PDE9A: variants seen among roughly 807,000 people sequenced by gnomAD.
PDE9A encodes the protein high affinity cGMP-specific 3',5'-cyclic phosphodiesterase 9A.
Under a neutral mutation model 87.4 loss-of-function variants are expected in PDE9A, and 60 were observed. The observed-to-expected ratio is 0.69, with a 90% CI of 0.56 to 0.85. The LOEUF is 0.85. PDE9A is among the 40% of genes least tolerant of loss of function. The pLI, the probability that PDE9A is intolerant of heterozygous loss-of-function variation, is 0.00. For missense variants in PDE9A, 665 were observed against 779.0 expected (o/e 0.85, Z 1.74); for synonymous variants, 272 against 279.4 (o/e 0.97, Z 0.27).
chr21:42,680,716 C>T (rs1337685732), intron 1 of PDE9A, among the ~76,000 whole-genome samples: 1 of 152,198 alleles, frequency 6.6e-6, no homozygotes, highest in African/African-American at 2.4e-5. Flanking sequence ...CTGATCAACC[C>T]CAACAAGCAG....
chr21:42,759,549 G>A lies in PDE9A; in HGVS notation c.897+464G>A, dbSNP rs1179722231. 6.6e-6 allele frequency among the ~76,000 whole-genome samples: 1 copy of A among 150,720 alleles called. No homozygotes were observed. Among genetic ancestry groups the A allele is most frequent in the Non-Finnish European group, 1.5e-5 (1 of 67,612 alleles). ...GGGAGCGTGTGTGTGTGTGAGTGTG[G>A]GGTGTGGGTGTGAGCATGGGGGTAT... On this transcript the variant is annotated intron_variant, in intron 11 of 19. Coordinates refer to ENST00000291539, the MANE Select transcript of PDE9A (RefSeq NM_002606.3). This position sits in a 1 kb window ranked among gnomAD's most constrained non-coding sequence, Gnocchi z 7.2.
chr21:42,755,641 C>T (rs775395448), intron 10 of PDE9A, among the ~76,000 whole-genome samples: 16 of 152,286 alleles, frequency 1.1e-4, no homozygotes, highest in Non-Finnish European at 2.2e-4. Context: ...TCAGAAGAGA[C>T]GTGTTGGAGC....
At chr21:42,764,851 T>C (rs2056204454) in intron 14 of PDE9A, among the ~76,000 whole-genome samples, 1 of 152,214 alleles carries the variant, frequency 6.6e-6, no homozygotes, top group Admixed American at 6.5e-5. Flanking sequence ...AATATATATA[T>C]ATACAGTTGA....
At chr21:42,764,392 T>C (rs1341714000) in intron 14 of PDE9A, among the ~76,000 whole-genome samples, 1 of 152,214 alleles carries the variant, frequency 6.6e-6, no homozygotes, top group African/African-American at 2.4e-5. Flanking sequence ...TGGCAAATCT[T>C]CGTCTGCAGT....
intron 1 of PDE9A, among the ~76,000 whole-genome samples, chr21:42,666,254 C>T (rs139136582): frequency 6.2e-4 from 94 of 152,328 alleles, no homozygotes; most frequent in African/African-American, 2.1e-3. Context: ...TGTCCTTGGA[C>T]TTGGGTTCTC....
At chr21:42,765,719 C>T in intron 15 of PDE9A, 1 of 526,518 alleles carries the variant, frequency 1.9e-6, no homozygotes, top group Non-Finnish European at 3.5e-6. Context: ...TTCTCCCATT[C>T]CTCCATCTCT....
intron 4 of PDE9A, among the ~76,000 whole-genome samples, chr21:42,725,150 G>C (rs534522022): frequency 6.6e-6 from 1 of 152,116 alleles, no homozygotes; most frequent in Admixed American, 6.5e-5. Flanking sequence ...CCCACCTGCC[G>C]CTCTTTAATA....
intron 4 of PDE9A, chr21:42,724,661 C>T: frequency 1.1e-6 from 1 of 897,156 alleles, no homozygotes; most frequent in Non-Finnish European, 1.3e-6. Context: ...GGGCAGTGCC[C>T]CTGGAGTGTT....
intron 1 of PDE9A, among the ~76,000 whole-genome samples, chr21:42,678,256 C>A (rs973066059): frequency 1.3e-5 from 2 of 152,248 alleles, no homozygotes; most frequent in Non-Finnish European, 2.9e-5. Flanking sequence ...ACCAGCCCTT[C>A]TGCCCAGCTC....
Position 42,695,984 on chromosome 21 carries a change from T to C in PDE9A, c.219-2984T>C, listed in dbSNP as rs1397137790. ...TGGGCCCAAGGGCCAGGAAGGTTTC[T>C]GCAGCCTCCTGGAGCATTCACAGAG... On this transcript the variant is annotated intron_variant, in intron 3 of 19. Coordinates refer to ENST00000291539, the MANE Select transcript of PDE9A (RefSeq NM_002606.3). This position sits in a 1 kb window ranked among gnomAD's most constrained non-coding sequence, Gnocchi z 4.3. Among the ~76,000 whole-genome samples, 3 of 152,240 alleles carry C rather than the reference T, an allele frequency of 2.0e-5. No homozygotes were observed. Among genetic ancestry groups the C allele is most frequent in the Admixed American group, 1.3e-4 (2 of 15,284 alleles).
intron 8 of PDE9A, among the ~76,000 whole-genome samples, chr21:42,746,828 C>T (rs1293381506): frequency 1.3e-5 from 2 of 152,186 alleles, no homozygotes; most frequent in East Asian, 1.9e-4. Flanking sequence ...GAGGCGCATC[C>T]GCACTTCCCC....
chr21:42,714,427 G>T (rs898552275), intron 4 of PDE9A, among the ~76,000 whole-genome samples: 1 of 152,164 alleles, frequency 6.6e-6, no homozygotes, highest in Admixed American at 6.5e-5. Context: ...ATATGGTTGG[G>T]GTTAGCTCTC....
Position 42,731,782 on chromosome 21 carries a change from A to G in PDE9A, c.275A>G (p.Asp92Gly), listed in dbSNP as rs2051787511. ...CTGCTTTTTATAGCTGGTGTCGAGG[A>G]CAAGAGAACCACAAGCCGTGGCCAG... is the stretch of plus-strand genomic sequence containing the variant. Reference protein sequence around the residue: ...AIKQLSAGVEDKRTTSRGQSA... With the variant: ...AIKQLSAGVEGKRTTSRGQSA... The change falls in exon 5 of 20, where the codon GAC (aspartate) becomes GGC (glycine). Residue 92 changes from aspartate to glycine, a missense_variant. Asp to Gly is a moderately conservative substitution (Grantham distance 94). Coordinates refer to ENST00000291539, the MANE Select transcript of PDE9A (RefSeq NM_002606.3). 1.2e-6 allele frequency: 2 copies of G among 1,612,780 alleles called. No individual in the cohort carries two copies. Among genetic ancestry groups the G allele is most frequent in the South Asian group, 1.1e-5 (1 of 90,878 alleles).
rs539889617 is a variant in PDE9A at position 42,670,271 on chromosome 21, TCA to T, written c.70-15916_70-15915del. 3.7e-4 allele frequency among the ~76,000 whole-genome samples: 55 copies of T among 147,388 alleles called. 2 individuals are homozygous for T. The South Asian group carries it at 0.01, about 28-fold the overall frequency. ...CACATACATACATTCACACACATAT[TCA>T]CACATTCACACATACACATTCACAC... On this transcript the variant is annotated intron_variant, in intron 1 of 19. Transcript: ENST00000291539.
rs1302666171 is a variant in PDE9A, at chr21:42,695,429, T to C, written c.219-3539T>C. 6.6e-6 allele frequency among the ~76,000 whole-genome samples: 1 copy of C among 152,180 alleles called. No individual in the cohort carries two copies. On this transcript the variant is annotated intron_variant, in intron 3 of 19. Transcript: ENST00000291539. This position sits in a 1 kb window ranked among gnomAD's most constrained non-coding sequence, Gnocchi z 4.3. ...TGCTTCAAGATGCAGTGGAAGGAGA[T>C]AAATCAGACACCTCAGTAGCGTGAG...
rs1040345027 is a variant in PDE9A at position 42,704,448 on chromosome 21, A to ACG, written c.262+5438_262+5439insGC. On this transcript the variant is annotated intron_variant, in intron 4 of 19. Coordinates refer to ENST00000291539, the MANE Select transcript of PDE9A (RefSeq NM_002606.3). This position sits in a 1 kb window ranked among gnomAD's most constrained non-coding sequence, Gnocchi z 5.3. ...CACCCCACCAAACACACACACACAC[A>ACG]CACACACACACACACACACACAGCT... 6.6e-6 allele frequency among the ~76,000 whole-genome samples: 1 copy of ACG among 150,988 alleles called. No individual in the cohort carries two copies. Among genetic ancestry groups the ACG allele is most frequent in the African/African-American group, 2.4e-5 (1 of 41,012 alleles).
intron 4 of PDE9A, among the ~76,000 whole-genome samples, chr21:42,726,820 T>G (rs1237226415): frequency 1.3e-5 from 2 of 150,324 alleles, no homozygotes; most frequent in Non-Finnish European, 3.0e-5. Flanking sequence ...TTTTCTCTGT[T>G]GAATTGCTTT....
chr21:42,682,508 G>A (rs1329519063), intron 1 of PDE9A, among the ~76,000 whole-genome samples: 3 of 152,204 alleles, frequency 2.0e-5, no homozygotes, highest in African/African-American at 7.2e-5. Context: ...TTTGCTGGAA[G>A]ACCTCAGAAG....
chr21:42,746,247 G>T (rs1022195906), intron 8 of PDE9A, among the ~76,000 whole-genome samples: 4 of 152,178 alleles, frequency 2.6e-5, no homozygotes, highest in Non-Finnish European at 5.9e-5. Context: ...GTTGCAGGGG[G>T]GAAGATTATT....
Sources: allele counts gnomAD v4.1 joint callset (sites outside exome capture counted in the v4.1 genomes callset), GRCh38; gene constraint gnomAD v4.1.1; non-coding constraint Gnocchi (gnomAD v3.1); transcripts MANE v1.5; gene names NCBI Gene and HGNC (gene_info 2026-07-23, HGNC 2026-07-21).